The following CNTN4 variants were observed in gnomAD, a reference collection of about 807,000 sequenced individuals.
CNTN4 encodes contactin-4.
CNTN4 carries 77 observed loss-of-function variants against 122.5 expected under a neutral mutation model. That is an observed-to-expected ratio of 0.63 (90% CI 0.52 to 0.76). The LOEUF (loss-of-function observed/expected upper bound fraction) is 0.76, where lower values mean the gene tolerates loss of function less well. Ranked by LOEUF, CNTN4 falls within the 30% of genes least tolerant of loss-of-function variation. CNTN4 has a pLI of 0.00. For missense variants in CNTN4, 1,256 were observed against 1,259.1 expected (o/e 1.00, Z 0.04); for synonymous variants, 512 against 447.0 (o/e 1.15, Z -1.83).
At chr3:2,677,942 G>A (rs577660393) in intron 4 of CNTN4, among the ~76,000 whole-genome samples, 2 of 152,118 alleles carry the variant, frequency 1.3e-5, no homozygotes, top group East Asian at 3.9e-4. Context: ...CAGAAAACTT[G>A]AATATTAGCT....
chr3:2,189,481 G>A (rs754852613), intron 2 of CNTN4, among the ~76,000 whole-genome samples: 21 of 152,192 alleles, frequency 1.4e-4, no homozygotes, highest in Non-Finnish European at 2.9e-4. Context: ...TGCTGGAATA[G>A]AGAGGGTCAG....
At chr3:2,981,422 C>A (rs576958448) in intron 13 of CNTN4, among the ~76,000 whole-genome samples, 9 of 151,664 alleles carry the variant, frequency 5.9e-5, no homozygotes, top group South Asian at 2.1e-4. Context: ...CCAGCCTGGG[C>A]GACAGAGCGA....
chr3:2,990,380 A>G (rs1408679384), intron 14 of CNTN4, among the ~76,000 whole-genome samples: 1 of 152,234 alleles, frequency 6.6e-6, no homozygotes, highest in East Asian at 1.9e-4. Context: ...GTGAGCCTAT[A>G]ATAAAGAAAT....
At chr3:2,952,479 C>G (rs1475684467) in intron 13 of CNTN4, among the ~76,000 whole-genome samples, 1 of 152,144 alleles carries the variant, frequency 6.6e-6, no homozygotes, top group Non-Finnish European at 1.5e-5. Context: ...ATGGCTCTAA[C>G]CTCTAACCAC....
intron 2 of CNTN4, among the ~76,000 whole-genome samples, chr3:2,274,701 G>C (rs1386046418): frequency 6.6e-6 from 1 of 152,136 alleles, no homozygotes; most frequent in Non-Finnish European, 1.5e-5. Context: ...AGGGAGGGAA[G>C]AGAAATTTGA....
chr3:3,005,985 A>C (rs1046723254), intron 14 of CNTN4, among the ~76,000 whole-genome samples: 2 of 148,286 alleles, frequency 1.3e-5, no homozygotes, highest in Non-Finnish European at 3.0e-5. Context: ...TCCCAGGTTC[A>C]CGCCATTCTC....
At chr3:2,500,419 A>G (rs2076565391) in intron 3 of CNTN4, among the ~76,000 whole-genome samples, 1 of 152,156 alleles carries the variant, frequency 6.6e-6, no homozygotes, top group Non-Finnish European at 1.5e-5. Flanking sequence ...AGATAAAAGT[A>G]TAAAATTATA....
intron 4 of CNTN4, among the ~76,000 whole-genome samples, chr3:2,599,931 T>C (rs143393363): frequency 4.9e-4 from 74 of 151,454 alleles, no homozygotes; most frequent in African/African-American, 1.7e-3. Context: ...TGGAGCTATC[T>C]GTTCCTCAAG....
intron 12 of CNTN4, among the ~76,000 whole-genome samples, chr3:2,915,851 A>T (rs2094347838): frequency 6.6e-6 from 1 of 152,218 alleles, no homozygotes; most frequent in South Asian, 2.1e-4. Flanking sequence ...AAGTACATAC[A>T]ATGGACTATT....
chr3:2,982,157 C>T lies in CNTN4; in HGVS notation c.1359-6188C>T, dbSNP rs1468001591. 3.9e-5 allele frequency among the ~76,000 whole-genome samples: 6 copies of T among 152,142 alleles called. No individual in the cohort carries two copies. The East Asian group carries it at 1.2e-3, about 29-fold the overall frequency. On this transcript the variant is annotated intron_variant, in intron 13 of 24. Coordinates refer to ENST00000418658, the MANE Select transcript of CNTN4 (RefSeq NM_175607.3). ...GATACAGCTGTGTATGAAGAAATGT[C>T]AGGTGCTTTTTTCTTCATATTCGGA... is the stretch of plus-strand genomic sequence containing the variant.
At chr3:2,402,976 G>A (rs1425979662) in intron 3 of CNTN4, among the ~76,000 whole-genome samples, 1 of 152,058 alleles carries the variant, frequency 6.6e-6, no homozygotes, top group Non-Finnish European at 1.5e-5. Context: ...TAAATTTATT[G>A]TCTTATCGTT....
At chr3:2,711,729 A>T (rs963793897) in intron 4 of CNTN4, among the ~76,000 whole-genome samples, 6 of 152,310 alleles carry the variant, frequency 3.9e-5, no homozygotes, top group African/African-American at 9.6e-5. Context: ...ACTGCTGAGC[A>T]TCAGAACTGG....
intron 2 of CNTN4, among the ~76,000 whole-genome samples, chr3:2,214,248 A>G (rs761499895): frequency 4.9e-4 from 74 of 152,148 alleles, no homozygotes; most frequent in Non-Finnish European, 8.1e-4. Flanking sequence ...ACACACTTCA[A>G]TTGAAGTCTG....
At chr3:2,772,919 A>T (rs2091165330) in intron 6 of CNTN4, among the ~76,000 whole-genome samples, 1 of 152,212 alleles carries the variant, frequency 6.6e-6, no homozygotes, top group South Asian at 2.1e-4. Context: ...AAGAGATAGG[A>T]ATCAGGAGAG....
intron 4 of CNTN4, among the ~76,000 whole-genome samples, chr3:2,572,927 A>G (rs2079489902): frequency 6.6e-6 from 1 of 152,230 alleles, no homozygotes; most frequent in Non-Finnish European, 1.5e-5. Flanking sequence ...GCTAGGCAAT[A>G]TGCTAAGCAC....
intron 2 of CNTN4, among the ~76,000 whole-genome samples, chr3:2,185,453 G>A (rs1336697988): frequency 6.6e-6 from 1 of 151,990 alleles, no homozygotes; most frequent in Non-Finnish European, 1.5e-5. Flanking sequence ...CTTTCAGGAG[G>A]GTCTGAAACT....
intron 7 of CNTN4, among the ~76,000 whole-genome samples, chr3:2,832,319 C>T (rs1459116308): frequency 6.6e-6 from 1 of 152,118 alleles, no homozygotes; most frequent in Non-Finnish European, 1.5e-5. Flanking sequence ...TAGGAGTGGG[C>T]CAAAACAAAA....
At chr3:2,391,316 G>A (rs1207473269) in intron 3 of CNTN4, among the ~76,000 whole-genome samples, 1 of 152,154 alleles carries the variant, frequency 6.6e-6, no homozygotes, top group African/African-American at 2.4e-5. Flanking sequence ...TTGACATCCT[G>A]TTCTCTGATT....
chr3:2,495,063 T>A (rs778804074), intron 3 of CNTN4, among the ~76,000 whole-genome samples: 3 of 152,162 alleles, frequency 2.0e-5, no homozygotes, highest in Non-Finnish European at 4.4e-5. Context: ...AATAGGAAGA[T>A]GATATTTATC....
Sources: gnomAD v4.1 joint callset for allele counts (sites outside exome capture counted in the v4.1 genomes callset) on GRCh38, gnomAD v4.1.1 for gene constraint, MANE v1.5 for transcripts, NCBI Gene and HGNC (gene_info 2026-07-23, HGNC 2026-07-21) for gene names.